CLRN1: variants seen among roughly 807,000 people sequenced by gnomAD.
The protein encoded by CLRN1 is clarin-1.
CLRN1 carries 15 observed loss-of-function variants against 18.7 expected under a neutral mutation model. The observed-to-expected ratio is 0.80, with a 90% confidence interval of 0.54 to 1.23. The LOEUF is 1.23. Among genes scored for constraint, CLRN1 ranks in the 50% most tolerant of loss-of-function variants. CLRN1 has a pLI of 0.00. For synonymous variants in CLRN1, 104 were observed against 102.9 expected (o/e 1.01, Z -0.07); for missense variants, 311 against 277.5 (o/e 1.12, Z -0.86).
intron 1 of CLRN1, among the ~76,000 whole-genome samples, chr3:150,968,017 A>C (rs1715346085): frequency 6.6e-6 from 1 of 152,224 alleles, no homozygotes; most frequent in African/African-American, 2.4e-5. Flanking sequence ...GGTCCAAATT[A>C]AAATGCTTTT....
intron 2 of CLRN1, among the ~76,000 whole-genome samples, chr3:150,935,523 T>C (rs1309014998): frequency 1.3e-5 from 2 of 151,538 alleles, no homozygotes; most frequent in Non-Finnish European, 2.9e-5. Flanking sequence ...ATGTGCCACA[T>C]TTTCTTAATC....
intron 1 of CLRN1, among the ~76,000 whole-genome samples, chr3:150,953,537 T>C (rs558307450): frequency 6.6e-6 from 1 of 152,286 alleles, no homozygotes; most frequent in Admixed American, 6.5e-5. Flanking sequence ...TTCAAGTACT[T>C]ATTTTTTCTT....
chr3:150,939,583 A>C (rs1016117729), intron 2 of CLRN1, among the ~76,000 whole-genome samples: 7 of 152,134 alleles, frequency 4.6e-5, no homozygotes, highest in African/African-American at 1.7e-4. Context: ...ATCTTCCCCC[A>C]GACCCCCAAG....
At chr3:150,949,302 C>G (rs868311985) in intron 1 of CLRN1, among the ~76,000 whole-genome samples, 3 of 152,266 alleles carry the variant, frequency 2.0e-5, no homozygotes, top group Middle Eastern at 3.4e-3. Flanking sequence ...TGGCACAAGA[C>G]AAGAATGCCC....
intron 1 of CLRN1, among the ~76,000 whole-genome samples, chr3:150,963,779 C>A (rs62282747): frequency 0.15 from 22,072 of 152,052 alleles, 1,734 homozygotes; most frequent in East Asian, 0.24. Context: ...CAACCATCTG[C>A]TCTTTGACAA....
chr3:150,946,907 C>A (rs1280138338), intron 1 of CLRN1, among the ~76,000 whole-genome samples: 2 of 124,030 alleles, frequency 1.6e-5, no homozygotes, highest in African/African-American at 3.0e-5. Flanking sequence ...CTCCCCCCAC[C>A]CCACAACAGT....
intron 1 of CLRN1, among the ~76,000 whole-genome samples, chr3:150,943,086 G>A (rs1713955192): frequency 6.6e-6 from 1 of 152,154 alleles, no homozygotes; most frequent in African/African-American, 2.4e-5. Context: ...ATCAAGAACT[G>A]TCCGGGTGAA....
intron 1 of CLRN1, chr3:150,945,658 A>G (rs1714124046): frequency 7.8e-7 from 1 of 1,281,032 alleles, no homozygotes; most frequent in South Asian, 1.2e-5. Context: ...GCTGATGTTT[A>G]GTTGTACTAC....
intron 2 of CLRN1, among the ~76,000 whole-genome samples, chr3:150,939,455 C>T (rs1455860612): frequency 6.6e-6 from 1 of 152,182 alleles, no homozygotes; most frequent in Non-Finnish European, 1.5e-5. Flanking sequence ...CTTGGAGTTA[C>T]CTCGGAGTCT....
intron 2 of CLRN1, among the ~76,000 whole-genome samples, chr3:150,931,888 C>G (rs1199923080): frequency 6.6e-6 from 1 of 152,166 alleles, no homozygotes; most frequent in Non-Finnish European, 1.5e-5. Flanking sequence ...TTAGAATAAG[C>G]CAGGACTGTG....
At chr3:150,967,214 C>G (rs1335253616) in intron 1 of CLRN1, among the ~76,000 whole-genome samples, 1 of 152,100 alleles carries the variant, frequency 6.6e-6, no homozygotes, top group African/African-American at 2.4e-5. Context: ...ATTAAGATCT[C>G]CTTGCAGGGA....
In CLRN1 at chr3:150,952,675, A is replaced by G. The variant is rs368862809; in HGVS notation, c.254-10914T>C. ...AAACCCTGATTCCATTCATCTCCCC[A>G]CCTGTTAAAAAGATGGCTACTTCAT... is the stretch of plus-strand genomic sequence containing the variant. On this transcript the variant is annotated intron_variant, in intron 1 of 2. Coordinates refer to ENST00000327047, the MANE Select transcript of CLRN1 (RefSeq NM_174878.3). 1.6e-3 allele frequency among the ~76,000 whole-genome samples: 240 copies of G among 152,014 alleles called. 5 individuals carry two copies. The South Asian group carries it at 0.048, about 31-fold the overall frequency.
chr3:150,952,506 A>G (rs796896926), intron 1 of CLRN1, among the ~76,000 whole-genome samples: 1 of 152,198 alleles, frequency 6.6e-6, no homozygotes, highest in South Asian at 2.1e-4. Context: ...CGATATTTCA[A>G]CTTATGACGG....
rs2107996649 is a variant in CLRN1, at chr3:150,972,449, T to C, written c.253+7A>G. 6.2e-7 allele frequency: 1 copy of C among 1,614,124 alleles called. No individual in the cohort carries two copies. Among genetic ancestry groups the C allele is most frequent in the African/African-American group, 1.3e-5 (1 of 75,010 alleles). ...CATTAAATAACTCAAATGCAATTGC[T>C]ACTTACATGAGAACCGAAAGGGCCT... On this transcript the variant is annotated splice_region_variant and intron_variant, in intron 1 of 2. Coordinates refer to ENST00000327047, the MANE Select transcript of CLRN1 (RefSeq NM_174878.3).
At chr3:150,935,261 A>G (rs961189522) in intron 2 of CLRN1, among the ~76,000 whole-genome samples, 1 of 150,712 alleles carries the variant, frequency 6.6e-6, no homozygotes, top group African/African-American at 2.4e-5. Context: ...GTCATTTAGC[A>G]TTAGGTATAT....
At chr3:150,960,226 T>G (rs1714960218) in intron 1 of CLRN1, among the ~76,000 whole-genome samples, 1 of 152,222 alleles carries the variant, frequency 6.6e-6, no homozygotes, top group South Asian at 2.1e-4. Context: ...TGTGGAAGAT[T>G]GTTGTAAATT....
chr3:150,970,184 A>G (rs969842056), intron 1 of CLRN1, among the ~76,000 whole-genome samples: 1 of 152,180 alleles, frequency 6.6e-6, no homozygotes, highest in Non-Finnish European at 1.5e-5. Flanking sequence ...GTAAGGTTAG[A>G]TCTTTTATTC....
chr3:150,939,102 C>T (rs541118635), intron 2 of CLRN1, among the ~76,000 whole-genome samples: 1 of 152,330 alleles, frequency 6.6e-6, no homozygotes, highest in East Asian at 1.9e-4. Context: ...TTGCTTTTCT[C>T]TGCTTTATGA....
intron 1 of CLRN1, among the ~76,000 whole-genome samples, chr3:150,966,685 A>G (rs1715275370): frequency 6.6e-6 from 1 of 152,204 alleles, no homozygotes; most frequent in Non-Finnish European, 1.5e-5. Context: ...GTAATGGGAG[A>G]GAAAAGAAAC....
Sources: allele counts gnomAD v4.1 joint callset (sites outside exome capture counted in the v4.1 genomes callset), GRCh38; gene constraint gnomAD v4.1.1; transcripts MANE v1.5; gene names NCBI Gene and HGNC (gene_info 2026-07-23, HGNC 2026-07-21).